CPNE6: variants seen among roughly 807,000 people sequenced by gnomAD.
CPNE6 encodes the protein copine-6.
Under a neutral mutation model 71.5 loss-of-function variants are expected in CPNE6, and 33 were observed. The ratio of observed to expected loss-of-function variants is 0.46; its 90% CI spans 0.35 to 0.62. The LOEUF (loss-of-function observed/expected upper bound fraction) is 0.62, where lower values mean the gene tolerates loss of function less well. CPNE6 is among the 20% of genes least tolerant of loss of function. CPNE6 has a pLI of 0.00. For missense variants in CPNE6, 576 were observed against 747.3 expected (o/e 0.77, Z 2.67); for synonymous variants, 296 against 293.0 (o/e 1.01, Z -0.10).
chr14:24,077,484 AG>A lies in CPNE6; in HGVS notation c.1536+96del. ...TCTTCCACCATTTGATGTCCTGCTA[AG>A]GACGCGGGAGCCCAGCTGGCCACCC... On this transcript the variant is annotated intron_variant, in intron 16 of 17. Coordinates refer to ENST00000397016, the Ensembl canonical transcript of CPNE6. The surrounding 1 kb of genome is among the most constrained non-coding windows in gnomAD (Gnocchi z 6.1). 15 of 1,570,836 alleles carry A rather than the reference AG, an allele frequency of 9.5e-6. No homozygotes were observed. Among genetic ancestry groups the A allele is most frequent in the Non-Finnish European group, 1.3e-5 (15 of 1,141,850 alleles).
chr14:24,071,291 A>G (rs1454735053), intron 1 of CPNE6: 2 of 1,354,096 alleles, frequency 1.5e-6, no homozygotes, highest in Non-Finnish European at 2.0e-6. Flanking sequence ...GTGTATGTGC[A>G]TGCCACTGCA....
Position 24,074,912 on chromosome 14 carries a change from C to A in CPNE6, c.672+117C>A. The stretch of plus-strand genomic sequence containing the variant: ...TCCCCCAAGTGATAATCACATCCCA[C>A]TGTGGGATAAATAATAGGTCACAGC... On this transcript the variant is annotated intron_variant, in intron 8 of 17. Transcript: ENST00000397016. This position sits in a 1 kb window ranked among gnomAD's most constrained non-coding sequence, Gnocchi z 4.5. The A allele has an allele frequency of 1.2e-6, 1 of 856,340 alleles. No homozygotes were observed. The highest frequency in any genetic ancestry group is 1.9e-6 in the Non-Finnish European group (1 of 528,028). 53.0% of individuals were successfully genotyped at this position (856,340 alleles called of 1,614,324 possible). A position where few individuals can be genotyped will look rare whatever the true frequency, so the allele number is the denominator to read the frequency against.
chr14:24,071,565 G>A (rs1382967853), exon 2 of CPNE6: 64 of 1,441,426 alleles, frequency 4.4e-5, no homozygotes, highest in Non-Finnish European at 4.8e-5. Flanking sequence ...TGGAGCCGGC[G>A]CCAGCGGCTG....
intron 14 of CPNE6, 56 bp from the exon 14 acceptor site, chr14:24,076,823 G>A: frequency 6.2e-7 from 1 of 1,606,956 alleles, no homozygotes; most frequent in African/African-American, 1.3e-5. Context: ...TTTAAGGAGT[G>A]TCAGGAGGGG....
Position 24,073,139 on chromosome 14 carries a change from G to A in CPNE6, c.168+35G>A. ...GCTCAGGTTTCTCCTTAACTAACCT[G>A]GGTTAAGCTTGGGAAAGAGGGAGGC... is the stretch of plus-strand genomic sequence containing the variant. On this transcript the variant is annotated intron_variant, in intron 3 of 17. Transcript: ENST00000397016. The surrounding 1 kb of genome is among the most constrained non-coding windows in gnomAD (Gnocchi z 5.5). 7.0e-7 allele frequency: 1 copy of A among 1,428,234 alleles called. No homozygotes were observed. Among genetic ancestry groups the A allele is most frequent in the East Asian group, 2.6e-5 (1 of 37,890 alleles). The allele number at this position is 1,428,234 out of a possible 1,614,324, so 88.5% of individuals were successfully genotyped here.
At chr14:24,076,021 C>A in intron 11 of CPNE6, 128 bp from the exon 11 acceptor site, 3 of 1,498,432 alleles carry the variant, frequency 2.0e-6, no homozygotes, top group Non-Finnish European at 1.8e-6. Context: ...TGCACCCCCA[C>A]ATCATTATGT....
rs182011504 is a variant in CPNE6 at position 24,072,021 on chromosome 14, G to A, written c.-5+380G>A. On this transcript the variant is annotated intron_variant, in intron 2 of 17. Coordinates refer to ENST00000397016, the Ensembl canonical transcript of CPNE6. ...CAGACACACCAATGCACACTCACTC[G>A]GGGAAGCATGACATGGGATCAGACA... 645 of 210,896 alleles carry A rather than the reference G, an allele frequency of 3.1e-3. 6 individuals are homozygous for A. The highest frequency in any genetic ancestry group is 0.021 in the Admixed American group (397 of 18,720). 13.1% of individuals were successfully genotyped at this position (210,896 alleles called of 1,614,324 possible).
exon 18 of CPNE6, chr14:24,078,041 G>T: frequency 3.5e-6 from 1 of 285,004 alleles, no homozygotes; most frequent in Non-Finnish European, 6.5e-6. Context: ...GACTTCCTTG[G>T]GTGATCCTGA....
In CPNE6 at chr14:24,077,532, G is replaced by A. The variant is rs1458359091; in HGVS notation, c.1537-61G>A. On this transcript the variant is annotated intron_variant, in intron 16 of 17. Coordinates refer to ENST00000397016, the Ensembl canonical transcript of CPNE6. This position sits in a 1 kb window ranked among gnomAD's most constrained non-coding sequence, Gnocchi z 6.1. Reference sequence around the variant, plus strand: ...ACCCTGAAGCCCCACTTCTCCCTCAGATGACCCTGCCTCCCCTACTCTTCC... The same window carrying A: ...ACCCTGAAGCCCCACTTCTCCCTCAAATGACCCTGCCTCCCCTACTCTTCC... The A allele has an allele frequency of 6.3e-7, 1 of 1,591,270 alleles. No homozygotes were observed. The highest frequency in any genetic ancestry group is 8.6e-7 in the Non-Finnish European group (1 of 1,165,230).
In CPNE6 at chr14:24,074,846, A is replaced by G. The variant is rs2036009145; in HGVS notation, c.672+51A>G. On this transcript the variant is annotated intron_variant, in intron 8 of 17. Transcript: ENST00000397016. The surrounding 1 kb of genome is among the most constrained non-coding windows in gnomAD (Gnocchi z 4.5). ...GCCTACTTAGAGCAACCAATCTGCT[A>G]TCTAAGACCTTTCCCCTGCATGTGG... 1.4e-6 allele frequency: 2 copies of G among 1,476,766 alleles called. No homozygotes were observed. Among genetic ancestry groups the G allele is most frequent in the Non-Finnish European group, 9.3e-7 (1 of 1,069,606 alleles). The allele number at this position is 1,476,766 out of a possible 1,614,324, so 91.5% of individuals were successfully genotyped here.
chr14:24,071,719 G>A lies in CPNE6; in HGVS notation c.-5+78G>A, dbSNP rs536767562. ...AGTCTCCATAACAACATCTCCTGGA[G>A]CCCGCAGAGAGATCCCAGCCCTGCC... On this transcript the variant is annotated intron_variant, in intron 2 of 17. Transcript: ENST00000397016. The A allele has an allele frequency of 2.3e-4, 153 of 652,476 alleles. 1 individual carries two copies. The East Asian group carries it at 4.1e-3, about 18-fold the overall frequency. The allele number at this position is 652,476 out of a possible 1,614,324, so 40.4% of individuals were successfully genotyped here.
In CPNE6 at chr14:24,074,579, G is replaced by A. The variant is rs200010406; in HGVS notation, c.547G>A (p.Glu183Lys). 40 of 1,614,174 alleles carry A rather than the reference G, an allele frequency of 2.5e-5. No homozygotes were observed. The East Asian group carries it at 7.1e-4, about 29-fold the overall frequency. ...TTTCATGGAAATCTATAAGACCAAC[G>A]AGGACCAAAGTGATCAGCTGGTCTG... Residue 183 changes from glutamate to lysine, a missense_variant, in exon 7 of 18, where the codon GAG (glutamate) becomes AAG (lysine). Glu to Lys is a moderately conservative substitution (Grantham distance 56, BLOSUM62 1). This residue lies in a region of CPNE6 where 214 missense variants were observed against 291.2 expected (regional missense o/e 0.73). Coordinates refer to ENST00000397016, the Ensembl canonical transcript of CPNE6. The surrounding 1 kb of genome is among the most constrained non-coding windows in gnomAD (Gnocchi z 4.5).
rs1281139117 is a variant in CPNE6 at position 24,073,287 on chromosome 14, G to C, written c.168+183G>C. 2.0e-5 allele frequency among the ~76,000 whole-genome samples: 3 copies of C among 152,176 alleles called. No individual in the cohort carries two copies. Among genetic ancestry groups the C allele is most frequent in the African/African-American group, 7.2e-5 (3 of 41,444 alleles). ...CCTGAGATTGACCCAGAGGCAGTGG[G>C]GTTGCTCCCAAAGGCCTCATGATAG... is the stretch of plus-strand genomic sequence containing the variant. On this transcript the variant is annotated intron_variant, in intron 3 of 17. Transcript: ENST00000397016. The surrounding 1 kb of genome is among the most constrained non-coding windows in gnomAD (Gnocchi z 5.5).
Position 24,073,725 on chromosome 14 carries a change from C to T in CPNE6, c.348+47C>T. On this transcript the variant is annotated intron_variant, in intron 4 of 17. Coordinates refer to ENST00000397016, the Ensembl canonical transcript of CPNE6. The surrounding 1 kb of genome is among the most constrained non-coding windows in gnomAD (Gnocchi z 5.5). ...GGCTACCCTACCCTACCTCCATCAG[C>T]TTTGCCTCTGGAAGCCAAAAAGAGA... 6.4e-7 allele frequency: 1 copy of T among 1,567,466 alleles called. No individual in the cohort carries two copies. Among genetic ancestry groups the T allele is most frequent in the Non-Finnish European group, 8.6e-7 (1 of 1,157,062 alleles).
intron 1 of CPNE6, 61 bp from the exon 1 acceptor site, chr14:24,071,501 G>GGGGCGC: frequency 1.4e-6 from 2 of 1,416,702 alleles, no homozygotes; most frequent in Non-Finnish European, 1.9e-6. Flanking sequence ...CTGGTGCTGC[G>GGGGCGC]CCCCCCCCCA....
intron 1 of CPNE6, 182 bp from the exon 1 acceptor site, chr14:24,071,380 G>A: frequency 6.9e-7 from 1 of 1,445,670 alleles, no homozygotes; most frequent in Non-Finnish European, 9.1e-7. Flanking sequence ...TGGGGGTCCT[G>A]CCTCTAAGCC....
exon 15 of CPNE6, chr14:24,076,901 C>T (rs1310133498): frequency 1.2e-6 from 2 of 1,613,238 alleles, no homozygotes; most frequent in Non-Finnish European, 1.7e-6. Flanking sequence ...TCATCGCCTC[C>T]TACCGTCGTT....
exon 3 of CPNE6, chr14:24,072,947 C>T (rs1339231713): frequency 1.8e-5 from 28 of 1,580,140 alleles, no homozygotes; most frequent in Non-Finnish European, 2.3e-5. Flanking sequence ...ATGTCGGACC[C>T]TGAGATGGGA....
rs996366499 is a variant in CPNE6, at chr14:24,075,771, C to A, written c.865-56C>A. 7.7e-6 allele frequency: 12 copies of A among 1,550,566 alleles called. No individual in the cohort carries two copies. Among genetic ancestry groups the A allele is most frequent in the Non-Finnish European group, 9.8e-6 (11 of 1,123,618 alleles). On this transcript the variant is annotated intron_variant, in intron 10 of 17. Coordinates refer to ENST00000397016, the Ensembl canonical transcript of CPNE6. This position sits in a 1 kb window ranked among gnomAD's most constrained non-coding sequence, Gnocchi z 4.3. ...GTTCCCCACAGAAGCCCTACCCAAG[C>A]TCCCTCCTCAAAGGACCACCCCATC...
Sources: allele counts gnomAD v4.1 joint callset (sites outside exome capture counted in the v4.1 genomes callset), GRCh38; gene constraint gnomAD v4.1.1; regional missense constraint gnomAD v4.1.1; non-coding constraint Gnocchi (gnomAD v3.1); transcripts MANE v1.5; gene names NCBI Gene and HGNC (gene_info 2026-07-23, HGNC 2026-07-21).